CFAP70: variants seen among roughly 807,000 people sequenced by gnomAD.
CFAP70 encodes the protein cilia and flagella associated protein 70.
Under a neutral mutation model 137.6 loss-of-function variants are expected in CFAP70, and 81 were observed. That is an observed-to-expected ratio of 0.59 (90% CI 0.49 to 0.71). The LOEUF (loss-of-function observed/expected upper bound fraction) is 0.71, where lower values mean the gene tolerates loss of function less well. Among genes scored for constraint, CFAP70 ranks in the 30% least tolerant of loss-of-function variants. CFAP70 has a pLI of 0.00. For missense variants in CFAP70, 976 were observed against 1,226.7 expected (o/e 0.80, Z 3.05); for synonymous variants, 382 against 423.6 (o/e 0.90, Z 1.20).
intron 9 of CFAP70, among the ~76,000 whole-genome samples, chr10:73,319,381 G>A (rs879581319): frequency 3.9e-5 from 6 of 152,030 alleles, no homozygotes; most frequent in Non-Finnish European, 8.8e-5. Context: ...ATTTTTCTAC[G>A]ACCCCAAATT....
intron 25 of CFAP70, among the ~76,000 whole-genome samples, chr10:73,259,096 A>G (rs1295658193): frequency 6.6e-6 from 1 of 151,988 alleles, no homozygotes; most frequent in East Asian, 1.9e-4. Context: ...CATAATAAAA[A>G]CTTGCTGGTT....
At chr10:73,258,305 T>C (rs1488768360) in intron 25 of CFAP70, among the ~76,000 whole-genome samples, 2 of 152,240 alleles carry the variant, frequency 1.3e-5, no homozygotes, top group Non-Finnish European at 2.9e-5. Flanking sequence ...TTAATACTTT[T>C]ATAATTTCTT....
At chr10:73,295,705 CT>C (rs2048503703) in intron 15 of CFAP70, 1 of 152,192 alleles carries the variant, frequency 6.6e-6, no homozygotes, top group African/African-American at 2.4e-5. Context: ...GTCTCTGGCT[CT>C]TTGCCTCTTT....
chr10:73,258,663 T>C (rs2044777960), intron 25 of CFAP70, among the ~76,000 whole-genome samples: 1 of 152,212 alleles, frequency 6.6e-6, no homozygotes, highest in Non-Finnish European at 1.5e-5. Context: ...CAAAAGCGAA[T>C]AGGAGAAATA....
rs1367191833 is a variant in CFAP70 at position 73,304,279 on chromosome 10, C to T, written c.1257-4614G>A. On this transcript the variant is annotated intron_variant, in intron 12 of 26. Transcript: ENST00000310715. The stretch of plus-strand genomic sequence containing the variant: ...ACATTGGCCAGGCTGGTGTCGAACT[C>T]CTGACCTCAGGTGATTCACCTGCCT... 5.3e-5 allele frequency among the ~76,000 whole-genome samples: 8 copies of T among 152,162 alleles called. No individual in the cohort carries two copies. The East Asian group carries it at 1.5e-3, about 29-fold the overall frequency.
chr10:73,330,793 A>T (rs192565175), intron 8 of CFAP70, among the ~76,000 whole-genome samples: 14 of 152,308 alleles, frequency 9.2e-5, no homozygotes, highest in African/African-American at 3.4e-4. Flanking sequence ...TACCTTTTAA[A>T]AACAGTAGTA....
At chr10:73,316,875 A>G (rs1271262989) in intron 9 of CFAP70, among the ~76,000 whole-genome samples, 2 of 152,184 alleles carry the variant, frequency 1.3e-5, no homozygotes, top group African/African-American at 4.8e-5. Context: ...CATTTCAAGT[A>G]TTCCTCATTT....
At chr10:73,358,783 G>A (rs2054876936), upstream of CFAP70, 1 of 152,366 alleles carries the variant, frequency 6.6e-6, no homozygotes, top group African/African-American at 2.4e-5. Context: ...CTTACTTTTG[G>A]CCATCGCACG....
At chr10:73,282,869 G>A (rs945507649) in intron 19 of CFAP70, among the ~76,000 whole-genome samples, 5 of 85,396 alleles carry the variant, frequency 5.9e-5, no homozygotes, top group Non-Finnish European at 1.1e-4. Context: ...GTCTTGTTCT[G>A]TTGCCCAGGC....
At chr10:73,331,401 T>C in intron 7 of CFAP70, 125 bp from the exon 9 acceptor site, 1 of 772,632 alleles carries the variant, frequency 1.3e-6, no homozygotes. Context: ...ATTGGGGGGC[T>C]CGGCTCAGTG....
At chr10:73,301,793 A>G (rs914682062) in intron 12 of CFAP70, among the ~76,000 whole-genome samples, 1 of 152,192 alleles carries the variant, frequency 6.6e-6, no homozygotes, top group Non-Finnish European at 1.5e-5. Flanking sequence ...TCGGACAGGT[A>G]ATATGATGAT....
intron 25 of CFAP70, among the ~76,000 whole-genome samples, chr10:73,258,650 T>G (rs2044776195): frequency 6.6e-6 from 1 of 152,214 alleles, no homozygotes; most frequent in Non-Finnish European, 1.5e-5. Flanking sequence ...ATTTCTCTTC[T>G]TACAAAAGCG....
exon 9 of CFAP70, chr10:73,323,016 T>C: frequency 6.2e-7 from 1 of 1,613,848 alleles, no homozygotes; most frequent in East Asian, 2.2e-5. Context: ...GCTCCCCGAA[T>C]TCTCTTCACA....
chr10:73,275,821 T>A lies in CFAP70; in HGVS notation c.2521-223A>T. On this transcript the variant is annotated intron_variant, in intron 21 of 26. Transcript: ENST00000310715. The surrounding 1 kb of genome is among the most constrained non-coding windows in gnomAD (Gnocchi z 4.0). ...CCAAATGAAGACATTACCAAGTGAA[T>A]AACTTGCAATATTGTACAATTCTGG... is the stretch of plus-strand genomic sequence containing the variant. The A allele has an allele frequency of 7.5e-6, 3 of 401,630 alleles. No individual in the cohort carries two copies. In the South Asian group the frequency reaches 1.5e-4, roughly 20 times the overall value. The allele number at this position is 401,630 out of a possible 1,614,324, so 24.9% of individuals were successfully genotyped here.
chr10:73,298,008 A>G (rs1302007637), intron 14 of CFAP70, among the ~76,000 whole-genome samples: 1 of 152,148 alleles, frequency 6.6e-6, no homozygotes, highest in African/African-American at 2.4e-5. Flanking sequence ...TTTTCACTCT[A>G]TGACTTCCAT....
intron 19 of CFAP70, among the ~76,000 whole-genome samples, chr10:73,283,056 C>G (rs971275886): frequency 5.9e-5 from 9 of 152,112 alleles, no homozygotes; most frequent in Admixed American, 5.2e-4. Context: ...TGGTCTCAAA[C>G]TACTGACTTC....
chr10:73,342,015 G>C (rs1397346767), intron 5 of CFAP70, among the ~76,000 whole-genome samples: 1 of 152,188 alleles, frequency 6.6e-6, no homozygotes, highest in African/African-American at 2.4e-5. Context: ...TTATATGAGA[G>C]TTGTGCTTAT....
At chr10:73,333,748 T>C (rs151235397) in intron 7 of CFAP70, among the ~76,000 whole-genome samples, 17 of 152,236 alleles carry the variant, frequency 1.1e-4, no homozygotes, top group East Asian at 3.9e-4. Flanking sequence ...TTACAAGAAA[T>C]GCTAAAAGTT....
At chr10:73,343,432 G>T (rs994870672) in intron 5 of CFAP70, among the ~76,000 whole-genome samples, 10 of 152,108 alleles carry the variant, frequency 6.6e-5, no homozygotes, top group African/African-American at 1.4e-4. Context: ...CCTGGGGCTG[G>T]GTGTGGTGGC....
Sources: gnomAD v4.1 joint callset for allele counts (sites outside exome capture counted in the v4.1 genomes callset) on GRCh38, gnomAD v4.1.1 for gene constraint, Gnocchi (gnomAD v3.1) non-coding constraint, MANE v1.5 for transcripts, NCBI Gene and HGNC (gene_info 2026-07-23, HGNC 2026-07-21) for gene names.